The following CNIH1 variants were observed in gnomAD, a reference collection of about 807,000 sequenced individuals.
CNIH1 encodes the protein protein cornichon homolog 1.
Under a neutral mutation model 20.2 loss-of-function variants are expected in CNIH1, and 12 were observed. The ratio of observed to expected loss-of-function variants is 0.59; its 90% CI spans 0.38 to 0.96. CNIH1 has a LOEUF of 0.96. CNIH1 is among the 40% of genes least tolerant of loss of function. The pLI, the probability that CNIH1 is intolerant of heterozygous loss-of-function variation, is 0.00. For missense variants in CNIH1, 152 were observed against 178.8 expected, an observed-to-expected ratio of 0.85 and a Z score of 0.85; for synonymous variants, 69 against 63.3, an observed-to-expected ratio of 1.09 and a Z score of -0.43.
At chr14:54,429,068 T>G (rs2030881097) in intron 4 of CNIH1, among the ~76,000 whole-genome samples, 1 of 151,954 alleles carries the variant, frequency 6.6e-6, no homozygotes, top group Non-Finnish European at 1.5e-5. Context: ...TGAGTATGTA[T>G]TAATAAAAAA....
rs1301771035 is a variant in CNIH1 at position 54,424,519 on chromosome 14, A to G, written c.*3295T>C. 3 of 152,242 alleles carry G rather than the reference A, an allele frequency of 2.0e-5. No homozygotes were observed. The allele number at this position is 152,242 out of a possible 1,614,324, so 9.4% of individuals were successfully genotyped here. A position where few individuals can be genotyped will look rare whatever the true frequency, so the allele number is the denominator to read the frequency against. The stretch of plus-strand genomic sequence containing the variant: ...CTCACCCCTACAGGGTATAAGTGAT[A>G]CACGGAAGTCATTATTTGCACTATG... On this transcript the variant is annotated 3_prime_UTR_variant, in exon 5 of 5. Transcript: ENST00000216416.
In CNIH1 at chr14:54,431,020, T is replaced by C. The variant is rs141112699; in HGVS notation, c.264-616A>G. Among the ~76,000 whole-genome samples the C allele has an allele frequency of 4.0e-4, 61 of 152,192 alleles. No homozygotes were observed. In the East Asian group the frequency reaches 7.0e-3, roughly 17 times the overall value. ...CTAATTTTTTTTGTAGAGGGGGGTT[T>C]TGCCACGTTGCCCAGTCTGTTCTCC... On this transcript the variant is annotated intron_variant, in intron 3 of 4. Transcript: ENST00000216416.
At position 54,441,345 on chromosome 14, in the gene CNIH1, G is replaced by A. The variant is rs569032686; in HGVS notation, c.-18C>T. ...AACGCCATGGCTGGGGAGGAGGAGC[G>A]GGGAGCGGCGCCGTTGCCAGCGGAG... On this transcript the variant is annotated 5_prime_UTR_variant, in exon 1 of 5. Transcript: ENST00000216416. The A allele has an allele frequency of 4.7e-6, 7 of 1,488,124 alleles. No individual in the cohort carries two copies. The highest frequency in any genetic ancestry group is 1.3e-5 in the South Asian group (1 of 78,522). 92.2% of individuals were successfully genotyped at this position (1,488,124 alleles called of 1,614,324 possible).
chr14:54,433,611 A>C (rs528203462), intron 2 of CNIH1, among the ~76,000 whole-genome samples: 1 of 152,288 alleles, frequency 6.6e-6, no homozygotes, highest in East Asian at 1.9e-4. Context: ...AACCAAGAAA[A>C]ATATACATTT....
At chr14:54,430,486 C>A in intron 3 of CNIH1, 82 bp from the exon 4 acceptor site, 1 of 1,355,338 alleles carries the variant, frequency 7.4e-7, no homozygotes. Flanking sequence ...TCTAAAACAT[C>A]TGTTACGAGA....
chr14:54,428,986 C>T (rs971228859), intron 4 of CNIH1, among the ~76,000 whole-genome samples: 3 of 151,036 alleles, frequency 2.0e-5, no homozygotes, highest in Non-Finnish European at 4.4e-5. Context: ...AGAAGGGAAG[C>T]TTATGCTGTT....
At chr14:54,430,047 C>T in intron 4 of CNIH1, 1 of 530,434 alleles carries the variant, frequency 1.9e-6, no homozygotes, top group East Asian at 3.2e-5. Context: ...CATCCCTGAC[C>T]AAACCTTCTG....
intron 4 of CNIH1, 75 bp from the exon 5 acceptor site, chr14:54,427,916 G>T: frequency 7.6e-7 from 1 of 1,322,782 alleles, no homozygotes; most frequent in Non-Finnish European, 1.1e-6. Context: ...GAGAGAGTAT[G>T]CTTTATATAG....
Position 54,434,625 on chromosome 14 carries a change from C to T in CNIH1, c.150+1744G>A, listed in dbSNP as rs566636833. On this transcript the variant is annotated intron_variant, in intron 2 of 4. Coordinates refer to ENST00000216416, the MANE Select transcript of CNIH1 (RefSeq NM_005776.3). Reference sequence around the variant, plus strand: ...AAAGTGCTTACCACAGAGCCTAGCACCCAGGAAAATCCTCATCTGATTTCA... The same window carrying T: ...AAAGTGCTTACCACAGAGCCTAGCATCCAGGAAAATCCTCATCTGATTTCA... Among the ~76,000 whole-genome samples, 3 of 152,284 alleles carry T rather than the reference C, an allele frequency of 2.0e-5. No homozygotes were observed. In the South Asian group the frequency reaches 6.2e-4, roughly 32 times the overall value.
At chr14:54,439,056 A>C (rs530942314) in intron 1 of CNIH1, among the ~76,000 whole-genome samples, 1 of 152,308 alleles carries the variant, frequency 6.6e-6, no homozygotes, top group South Asian at 2.1e-4. Context: ...GAGGTAAATA[A>C]ACCTCTTTTT....
Position 54,441,368 on chromosome 14 carries a change from G to A in CNIH1, c.-41C>T, listed in dbSNP as rs1243502849. 23 of 1,470,626 alleles carry A rather than the reference G, an allele frequency of 1.6e-5. 1 individual carries two copies. In the South Asian group the frequency reaches 2.0e-4, roughly 12 times the overall value. 91.1% of individuals were successfully genotyped at this position (1,470,626 alleles called of 1,614,324 possible). ...GCGGGGAGCGGCGCCGTTGCCAGCGGAGAAAGGCGGCGCAGGGCCCTCTGG... is the reference window on the plus strand; with the variant it reads ...GCGGGGAGCGGCGCCGTTGCCAGCGAAGAAAGGCGGCGCAGGGCCCTCTGG... On this transcript the variant is annotated 5_prime_UTR_variant, in exon 1 of 5. Transcript: ENST00000216416.
At chr14:54,429,549 G>A (rs10131237) in intron 4 of CNIH1, among the ~76,000 whole-genome samples, 20,681 of 152,108 alleles carry the variant, frequency 0.14, 1,520 homozygotes, top group Non-Finnish European at 0.15. Flanking sequence ...ACCTGAGGTC[G>A]GGAGTTCAAG....
chr14:54,432,221 C>A lies in CNIH1; in HGVS notation c.151-1G>T. ...GGATGAGGTACTCTGGGAGTACAAG[C>A]TGGAAGGAAAACACAAGCCAGTTAT... On this transcript the variant is annotated splice_acceptor_variant, in intron 2 of 4. Coordinates refer to ENST00000216416, the MANE Select transcript of CNIH1 (RefSeq NM_005776.3). LOFTEE classifies it high-confidence loss of function. The A allele has an allele frequency of 6.6e-7, 1 of 1,515,912 alleles. No individual in the cohort carries two copies. The highest frequency in any genetic ancestry group is 8.9e-7 in the Non-Finnish European group (1 of 1,125,410). 93.9% of individuals were successfully genotyped at this position (1,515,912 alleles called of 1,614,324 possible).
intron 2 of CNIH1, among the ~76,000 whole-genome samples, chr14:54,434,095 T>C (rs952690528): frequency 8.5e-5 from 13 of 152,162 alleles, no homozygotes; most frequent in African/African-American, 2.9e-4. Flanking sequence ...CATTTAAACA[T>C]GCAAAATATA....
At chr14:54,440,579 T>A (rs2031149480) in intron 1 of CNIH1, among the ~76,000 whole-genome samples, 1 of 152,078 alleles carries the variant, frequency 6.6e-6, no homozygotes, top group South Asian at 2.1e-4. Context: ...CAATCCTGAA[T>A]ATAAGGGTGG....
rs965022971 is a variant in CNIH1 at position 54,426,119 on chromosome 14, A to C, written c.*1695T>G. On this transcript the variant is annotated 3_prime_UTR_variant, in exon 5 of 5. Coordinates refer to ENST00000216416, the MANE Select transcript of CNIH1 (RefSeq NM_005776.3). ...TTGAGAGCCCAGCAAGTACTCAATA[A>C]ATAATTTGTTACATGAACTGACCAA... 2.0e-5 allele frequency: 3 copies of C among 152,178 alleles called. No individual in the cohort carries two copies. The highest frequency in any genetic ancestry group is 7.2e-5 in the African/African-American group (3 of 41,448). 9.4% of individuals were successfully genotyped at this position (152,178 alleles called of 1,614,324 possible).
intron 1 of CNIH1, 70 bp downstream of exon 1, chr14:54,441,177 A>G (rs2031167005): frequency 7.3e-7 from 1 of 1,361,840 alleles, no homozygotes; most frequent in Middle Eastern, 2.4e-4. Context: ...GGCGGCCCGG[A>G]CCGCGGGCCC....
chr14:54,434,277 C>T (rs375148940), intron 2 of CNIH1, among the ~76,000 whole-genome samples: 1 of 152,186 alleles, frequency 6.6e-6, no homozygotes, highest in Non-Finnish European at 1.5e-5. Context: ...TAAAAACGTC[C>T]TTCAACCTCC....
At chr14:54,429,722 T>C (rs1314134372) in intron 4 of CNIH1, among the ~76,000 whole-genome samples, 1 of 152,070 alleles carries the variant, frequency 6.6e-6, no homozygotes, top group Non-Finnish European at 1.5e-5. Flanking sequence ...ATCGCGCCAC[T>C]GCACTCTAGC....
Sources: allele counts gnomAD v4.1 joint callset (sites outside exome capture counted in the v4.1 genomes callset), GRCh38; gene constraint gnomAD v4.1.1; transcripts MANE v1.5; gene names NCBI Gene and HGNC (gene_info 2026-07-23, HGNC 2026-07-21).